Variants in CNTN5 observed in about 807,000 individuals in gnomAD.
CNTN5 encodes contactin 5.
In CNTN5, 77 loss-of-function variants were observed where a neutral mutation model predicts 129.1. That is an observed-to-expected ratio of 0.60 (90% confidence interval 0.50 to 0.72). The LOEUF is 0.72. Among genes scored for constraint, CNTN5 ranks in the 30% least tolerant of loss-of-function variants. The pLI, the probability that CNTN5 is intolerant of heterozygous loss-of-function variation, is 0.00. For missense variants in CNTN5, 1,478 were observed against 1,328.8 expected (o/e 1.11, Z -1.75); for synonymous variants, 509 against 465.6 (o/e 1.09, Z -1.20).
intron 2 of CNTN5, among the ~76,000 whole-genome samples, chr11:99,527,452 A>T (rs1292934777): frequency 6.6e-6 from 1 of 152,208 alleles, no homozygotes; most frequent in Non-Finnish European, 1.5e-5. Flanking sequence ...CTTTAAAATT[A>T]TAAAAATGTG....
chr11:99,440,998 A>T (rs1023982183), intron 2 of CNTN5, among the ~76,000 whole-genome samples: 1 of 152,108 alleles, frequency 6.6e-6, no homozygotes, highest in Non-Finnish European at 1.5e-5. Context: ...TATTAACATT[A>T]TTTAGAGATG....
intron 2 of CNTN5, among the ~76,000 whole-genome samples, chr11:99,425,617 T>G (rs545898278): frequency 6.6e-6 from 1 of 152,346 alleles, no homozygotes; most frequent in East Asian, 1.9e-4. Flanking sequence ...TGCTGTGCAC[T>G]GGAGCAGGTG....
chr11:99,128,473 A>G (rs775095517), intron 1 of CNTN5, among the ~76,000 whole-genome samples: 1 of 152,156 alleles, frequency 6.6e-6, no homozygotes, highest in African/African-American at 2.4e-5. Flanking sequence ...AGGCCTTTAC[A>G]GACAGAATTG....
chr11:99,869,771 C>G lies in CNTN5; in HGVS notation c.577+24509C>G, dbSNP rs139665111. Reference sequence around the variant, plus strand: ...ACATGTTGCTTTTCATAGACGTTATCTCTGTTCAATTTGCTTCTGCATTTA... The same window carrying G: ...ACATGTTGCTTTTCATAGACGTTATGTCTGTTCAATTTGCTTCTGCATTTA... On this transcript the variant is annotated intron_variant, in intron 6 of 24. Transcript: ENST00000524871. Among the ~76,000 whole-genome samples the G allele has an allele frequency of 4.2e-3, 632 of 152,234 alleles. 6 individuals carry two copies. The highest frequency in any genetic ancestry group is 0.014 in the African/African-American group (598 of 41,530).
chr11:99,983,577 A>C (rs1166589035), intron 8 of CNTN5, among the ~76,000 whole-genome samples: 1 of 152,216 alleles, frequency 6.6e-6, no homozygotes, highest in Non-Finnish European at 1.5e-5. Flanking sequence ...CAAAAACTCT[A>C]GTAGTAGTAG....
intron 1 of CNTN5, among the ~76,000 whole-genome samples, chr11:99,188,222 C>A (rs1858451765): frequency 6.6e-6 from 1 of 151,618 alleles, no homozygotes. Context: ...TTTATTATTG[C>A]AAATAATGGT....
chr11:99,952,198 C>T (rs1950692757), intron 7 of CNTN5, among the ~76,000 whole-genome samples: 1 of 152,144 alleles, frequency 6.6e-6, no homozygotes, highest in Non-Finnish European at 1.5e-5. Flanking sequence ...CATAATGTCA[C>T]TAATTCAGAG....
chr11:100,160,542 A>C (rs1183316941), intron 13 of CNTN5, among the ~76,000 whole-genome samples: 1 of 151,950 alleles, frequency 6.6e-6, no homozygotes, highest in Non-Finnish European at 1.5e-5. Context: ...AAGAGAGAAG[A>C]GAGTGAAAGA....
intron 2 of CNTN5, among the ~76,000 whole-genome samples, chr11:99,408,510 G>A (rs1045954012): frequency 1.4e-5 from 2 of 142,946 alleles, no homozygotes; most frequent in Non-Finnish European, 3.1e-5. Flanking sequence ...AAGAAAGTTA[G>A]TTCATAGAAA....
chr11:100,002,574 G>T (rs1234124774), intron 9 of CNTN5, among the ~76,000 whole-genome samples: 3 of 152,106 alleles, frequency 2.0e-5, no homozygotes, highest in Non-Finnish European at 4.4e-5. Flanking sequence ...TAGTGATCCT[G>T]TGTATTACCT....
rs552076128 is a variant in CNTN5, at chr11:99,197,102, A to C, written c.-209-128244A>C. On this transcript the variant is annotated intron_variant, in intron 1 of 24. Coordinates refer to ENST00000524871, the MANE Select transcript of CNTN5 (RefSeq NM_014361.4). ...GTTTTCAGAAAGTCAAGAATACATA[A>C]TATTCAAATTTCTAAGCACATTTGG... 1.9e-4 allele frequency among the ~76,000 whole-genome samples: 29 copies of C among 152,100 alleles called. No homozygotes were observed. In the South Asian group the frequency reaches 3.5e-3, roughly 19 times the overall value.
intron 3 of CNTN5, among the ~76,000 whole-genome samples, chr11:99,571,455 G>A (rs970559757): frequency 3.9e-5 from 6 of 152,142 alleles, no homozygotes; most frequent in Non-Finnish European, 8.8e-5. Context: ...GTATTCAGGG[G>A]AGGGAAACCA....
chr11:99,174,200 T>C (rs190703910), intron 1 of CNTN5, among the ~76,000 whole-genome samples: 8 of 152,258 alleles, frequency 5.3e-5, no homozygotes, highest in Non-Finnish European at 1.2e-4. Flanking sequence ...GGTTTCACCA[T>C]GTTGGCCAGG....
At chr11:99,655,941 C>T (rs1952341909) in intron 3 of CNTN5, among the ~76,000 whole-genome samples, 1 of 151,948 alleles carries the variant, frequency 6.6e-6, no homozygotes, top group Non-Finnish European at 1.5e-5. Context: ...TATATACACA[C>T]ACGTGTATAT....
intron 15 of CNTN5, among the ~76,000 whole-genome samples, chr11:100,201,118 C>T (rs2138549726): frequency 6.6e-6 from 1 of 152,030 alleles, no homozygotes; most frequent in East Asian, 1.9e-4. Context: ...ACAGTAAAGT[C>T]AATCCGATTT....
At chr11:99,469,934 A>G (rs898879738) in intron 2 of CNTN5, among the ~76,000 whole-genome samples, 1 of 152,146 alleles carries the variant, frequency 6.6e-6, no homozygotes, top group Non-Finnish European at 1.5e-5. Flanking sequence ...CTACAATTTA[A>G]TGAGTGTCAG....
intron 3 of CNTN5, among the ~76,000 whole-genome samples, chr11:99,771,342 A>G (rs1944938234): frequency 6.6e-6 from 1 of 152,030 alleles, no homozygotes; most frequent in Non-Finnish European, 1.5e-5. Context: ...CAACTGATGA[A>G]TGAATAAAGT....
At chr11:100,002,865 C>T (rs994608714) in intron 9 of CNTN5, among the ~76,000 whole-genome samples, 2 of 151,266 alleles carry the variant, frequency 1.3e-5, no homozygotes, top group African/African-American at 2.4e-5. Context: ...TTTTAGGATG[C>T]TAAGACTTCA....
chr11:100,304,638 G>A (rs978366691), intron 20 of CNTN5, among the ~76,000 whole-genome samples: 9 of 151,504 alleles, frequency 5.9e-5, no homozygotes, highest in African/African-American at 2.2e-4. Flanking sequence ...GATGTGGAGT[G>A]GCAAGGGGAA....
Sources: allele counts gnomAD v4.1 joint callset (sites outside exome capture counted in the v4.1 genomes callset), GRCh38; gene constraint gnomAD v4.1.1; transcripts MANE v1.5; gene names NCBI Gene and HGNC (gene_info 2026-07-23, HGNC 2026-07-21).